The following SLC8A3 variants were observed in gnomAD, a reference collection of about 807,000 sequenced individuals.
The protein encoded by SLC8A3 is solute carrier family 8 member A3.
In SLC8A3, 37 loss-of-function variants were observed where a neutral mutation model predicts 65.4. That is an observed-to-expected ratio of 0.57 (90% CI 0.44 to 0.74). The LOEUF (loss-of-function observed/expected upper bound fraction) is 0.74. Ranked by LOEUF, SLC8A3 falls within the 30% of genes least tolerant of loss-of-function variation. The pLI, the probability that SLC8A3 is intolerant of heterozygous loss-of-function variation, is 0.00. For synonymous variants in SLC8A3, 461 were observed against 444.5 expected (o/e 1.04, Z -0.47); for missense variants, 1,112 against 1,172.1 (o/e 0.95, Z 0.75).
intron 2 of SLC8A3, among the ~76,000 whole-genome samples, chr14:70,143,566 G>A (rs770291588): frequency 1.3e-5 from 2 of 152,000 alleles, no homozygotes; most frequent in Admixed American, 6.6e-5. Context: ...CCAGCCCCAC[G>A]TCAACACAAT....
intron 2 of SLC8A3, among the ~76,000 whole-genome samples, chr14:70,124,352 A>C (rs1194473868): frequency 6.6e-6 from 1 of 152,184 alleles, no homozygotes; most frequent in African/African-American, 2.4e-5. Flanking sequence ...CAGTCGCCAA[A>C]CATGGTAGTC....
At chr14:70,082,918 T>C (rs980231612) in intron 2 of SLC8A3, among the ~76,000 whole-genome samples, 1 of 152,146 alleles carries the variant, frequency 6.6e-6, no homozygotes, top group Non-Finnish European at 1.5e-5. Context: ...CCAATTCCCT[T>C]GGGTCATAAT....
At chr14:70,130,741 T>TA (rs1363890017) in intron 2 of SLC8A3, among the ~76,000 whole-genome samples, 1 of 152,244 alleles carries the variant, frequency 6.6e-6, no homozygotes, top group East Asian at 1.9e-4. Flanking sequence ...TGACAAATTG[T>TA]AATGCTGCAC....
intron 2 of SLC8A3, among the ~76,000 whole-genome samples, chr14:70,163,632 A>G (rs7158149): frequency 0.15 from 23,110 of 152,202 alleles, 1,869 homozygotes; most frequent in Middle Eastern, 0.18. Flanking sequence ...TTCTTGCTAA[A>G]TTGGCGTTGA....
At chr14:70,139,506 G>A (rs995083658) in intron 2 of SLC8A3, among the ~76,000 whole-genome samples, 3 of 152,208 alleles carry the variant, frequency 2.0e-5, no homozygotes, top group Non-Finnish European at 4.4e-5. Flanking sequence ...TTCTCGCCCA[G>A]CAGAAGGTCT....
Position 70,152,925 on chromosome 14 carries a change from C to T in SLC8A3, c.1784+13714G>A, listed in dbSNP as rs1358986656. Among the ~76,000 whole-genome samples, 11 of 152,276 alleles carry T rather than the reference C, an allele frequency of 7.2e-5. No homozygotes were observed. The East Asian group carries it at 2.1e-3, about 29-fold the overall frequency. ...CTGGAGAGAAGGCTTAATTGAATTACAGGGTGTCTCCTGAGCATCAAAGGC... is the reference window on the plus strand; with the variant it reads ...CTGGAGAGAAGGCTTAATTGAATTATAGGGTGTCTCCTGAGCATCAAAGGC... On this transcript the variant is annotated intron_variant, in intron 2 of 6. Transcript: ENST00000356921.
chr14:70,184,671 C>A (rs1169029486), intron 1 of SLC8A3, among the ~76,000 whole-genome samples: 1 of 152,226 alleles, frequency 6.6e-6, no homozygotes. Context: ...TTACCCTCTA[C>A]TGGCATAAAT....
intron 5 of SLC8A3, among the ~76,000 whole-genome samples, chr14:70,050,158 T>C (rs921832261): frequency 6.6e-6 from 1 of 151,926 alleles, no homozygotes; most frequent in Non-Finnish European, 1.5e-5. Context: ...GGGTAGATGA[T>C]GTGGCCTACA....
chr14:70,127,545 G>A (rs1020442202), intron 2 of SLC8A3, among the ~76,000 whole-genome samples: 8 of 152,106 alleles, frequency 5.3e-5, no homozygotes, highest in African/African-American at 1.4e-4. Flanking sequence ...TAAACTGAAC[G>A]CTGCCTAACT....
rs749869774 is a variant in SLC8A3, at chr14:70,167,022, G to A, written c.1401C>T (p.Gly467=). 4 of 1,613,904 alleles carry A rather than the reference G, an allele frequency of 2.5e-6. No homozygotes were observed. The highest frequency in any genetic ancestry group is 1.7e-5 in the Admixed American group (1 of 60,026). The change falls in exon 2 of 7, where the codon GGC becomes GGT. Residue 467 remains glycine, a synonymous_variant. Transcript: ENST00000356921. The part of the protein sequence containing the change: ...PGETQKEFSV[G]IIDDDIFEED... ...CCTCAAAAATGTCGTCATCAATTAT[G>A]CCCACGGAGAACTCCTTCTGGGTCT...
At chr14:70,149,723 G>T (rs1308464231) in intron 2 of SLC8A3, among the ~76,000 whole-genome samples, 1 of 152,160 alleles carries the variant, frequency 6.6e-6, no homozygotes, top group Non-Finnish European at 1.5e-5. Flanking sequence ...TTATCCTTGA[G>T]ACCAGAAAGA....
chr14:70,072,137 T>A (rs1320425451), intron 2 of SLC8A3, among the ~76,000 whole-genome samples: 1 of 152,216 alleles, frequency 6.6e-6, no homozygotes, highest in Non-Finnish European at 1.5e-5. Flanking sequence ...GAGGACTTGA[T>A]GCTCATTCTG....
chr14:70,108,414 A>T (rs1198248796), intron 2 of SLC8A3, among the ~76,000 whole-genome samples: 3 of 151,536 alleles, frequency 2.0e-5, no homozygotes, highest in African/African-American at 4.8e-5. Context: ...AAAAAAAAAA[A>T]GAAAAATGAA....
chr14:70,151,101 A>C (rs1424891642), intron 2 of SLC8A3, among the ~76,000 whole-genome samples: 1 of 151,748 alleles, frequency 6.6e-6, no homozygotes, highest in Non-Finnish European at 1.5e-5. Context: ...AAAAGTACAA[A>C]AAATTGGCCA....
chr14:70,115,636 G>A (rs1359943199), intron 2 of SLC8A3, among the ~76,000 whole-genome samples: 1 of 152,030 alleles, frequency 6.6e-6, no homozygotes, highest in Non-Finnish European at 1.5e-5. Flanking sequence ...GGAGCAGGTG[G>A]AGGCTGTCCT....
intron 6 of SLC8A3, chr14:70,047,373 T>C (rs1886911079): frequency 6.6e-6 from 1 of 152,252 alleles, no homozygotes; most frequent in Non-Finnish European, 1.5e-5. Context: ...GATCCTCTGA[T>C]ATTTCTTCCC....
chr14:70,046,136 G>A lies in SLC8A3; in HGVS notation c.2577C>T (p.Val859=). The A allele has an allele frequency of 6.2e-7, 1 of 1,614,208 alleles. No individual in the cohort carries two copies. Among genetic ancestry groups the A allele is most frequent in the African/African-American group, 1.3e-5 (1 of 75,068 alleles). The stretch of plus-strand genomic sequence containing the variant: ...CAAATGCAAAGATGGTGAAGAGGGT[G>A]ACGGAGAAGGCCAGTGTGCCGGCCG... The part of the protein sequence containing the change: ...HVSAGTLAFS[V]TLFTIFAFVC... Residue 859 remains valine (V), a synonymous_variant, in exon 7 of 7, where the codon GTC becomes GTT. Coordinates refer to ENST00000356921, the MANE Select transcript of SLC8A3 (RefSeq NM_182932.3). This position sits in a 1 kb window ranked among gnomAD's most constrained non-coding sequence, Gnocchi z 4.2.
chr14:70,166,680 T>C lies in SLC8A3; in HGVS notation c.1743A>G (p.Glu581=), dbSNP rs1369545300. 3 of 1,611,908 alleles carry C rather than the reference T, an allele frequency of 1.9e-6. No homozygotes were observed. The part of the protein sequence containing the change: ...GTAKGGGEDF[E]DTYGELEFKN... ...TGAATTCCAACTCCCCATATGTGTCTTCAAAGTCCTCACCGCCACCCTTGG... is the reference window on the plus strand; with the variant it reads ...TGAATTCCAACTCCCCATATGTGTCCTCAAAGTCCTCACCGCCACCCTTGG... The change falls in exon 2 of 7, where the codon GAA becomes GAG. Residue 581 remains glutamate (E), a synonymous_variant. Transcript: ENST00000356921.
chr14:70,083,543 C>T (rs1422976372), intron 2 of SLC8A3, among the ~76,000 whole-genome samples: 1 of 152,222 alleles, frequency 6.6e-6, no homozygotes, highest in East Asian at 1.9e-4. Context: ...AGACAATTGA[C>T]TGTATTTCTT....
Sources: allele counts gnomAD v4.1 joint callset (sites outside exome capture counted in the v4.1 genomes callset), GRCh38; gene constraint gnomAD v4.1.1; non-coding constraint Gnocchi (gnomAD v3.1); transcripts MANE v1.5; gene names NCBI Gene and HGNC (gene_info 2026-07-23, HGNC 2026-07-21).